Variants in ZNF467 observed in about 807,000 individuals in gnomAD.
The protein encoded by ZNF467 is zinc finger protein 467, also known as zinc finger protein EZI.
In ZNF467, 51 loss-of-function variants were observed where a neutral mutation model predicts 47.8. The ratio of observed to expected loss-of-function variants is 1.07; its 90% CI spans 0.85 to 1.35. The LOEUF (loss-of-function observed/expected upper bound fraction) is 1.35, where lower values mean the gene tolerates loss of function less well. ZNF467 is among the 40% of genes most tolerant of loss of function. The pLI is 0.00. For missense variants in ZNF467, 992 were observed against 858.1 expected, an observed-to-expected ratio of 1.16 and a Z score of -1.95; for synonymous variants, 416 against 372.9, an observed-to-expected ratio of 1.12 and a Z score of -1.33.
At chr7:149,771,098 T>C in intron 1 of ZNF467, 24 bp from the exon 2 acceptor site, 1 of 1,609,858 alleles carries the variant, frequency 6.2e-7, no homozygotes, top group Non-Finnish European at 8.5e-7. Context: ...ACAGCCTTGT[T>C]CAGATTTTTC....
chr7:149,768,414 A>G (rs991898038), intron 4 of ZNF467, among the ~76,000 whole-genome samples: 1 of 152,248 alleles, frequency 6.6e-6, no homozygotes, highest in Admixed American at 6.5e-5. Context: ...AAGGTGGCCT[A>G]TCCAAGGGCA....
At chr7:149,770,856 G>A (rs540242014) in intron 2 of ZNF467, 143 bp downstream of exon 2, 37 of 983,786 alleles carry the variant, frequency 3.8e-5, no homozygotes, top group South Asian at 2.6e-4. Context: ...CAGACACCCC[G>A]TGCTACAGAA....
In ZNF467 at chr7:149,765,673, A is replaced by G. The variant is rs778167061; in HGVS notation, c.829T>C (p.Cys277Arg). The G allele has an allele frequency of 1.2e-6, 2 of 1,613,204 alleles. No individual in the cohort carries two copies. ...TGERPFPCTE[C>R]EKRFRKKTHL... is the part of the protein sequence containing the mutation. ...GTCTTCTTGCGAAAGCGCTTCTCGC[A>G]TTCCGTGCAGGGGAAGGGCCGCTCG... Residue 277 changes from cysteine (C) to arginine (R), a missense_variant, in exon 5 of 5, where the codon TGC becomes CGC. Coordinates refer to ENST00000302017, the MANE Select transcript of ZNF467 (RefSeq NM_207336.3).
upstream of ZNF467, among the ~76,000 whole-genome samples, chr7:149,775,882 G>C (rs1292144796): frequency 6.6e-6 from 1 of 150,452 alleles, no homozygotes; most frequent in Non-Finnish European, 1.5e-5. Flanking sequence ...CATGAGACTG[G>C]AATAAAGCCC....
At chr7:149,770,618 C>A in intron 2 of ZNF467, 62 bp from the exon 3 acceptor site, 1 of 1,427,802 alleles carries the variant, frequency 7.0e-7, no homozygotes, top group Non-Finnish European at 9.7e-7. Context: ...TAATCAGAGG[C>A]GGGGGCTGTT....
intron 4 of ZNF467, among the ~76,000 whole-genome samples, chr7:149,766,553 C>T (rs1422588861): frequency 2.0e-5 from 3 of 152,196 alleles, no homozygotes; most frequent in Non-Finnish European, 4.4e-5. Context: ...AGGTTCACAT[C>T]CCTTTGGTGG....
rs575232022 is a variant in ZNF467, at chr7:149,765,637, G to A, written c.865C>T (p.Arg289Trp). ...TCGCCCGTATGGATGCGCTGGTGCC[G>A]AATCAAGTGCGTCTTCTTGCGAAAG... ...KRFRKKTHLI[R>W]HQRIHTGERP... The change falls in exon 5 of 5, where the codon CGG becomes TGG. Residue 289 changes from arginine to tryptophan, a missense_variant. Transcript: ENST00000302017. 6.2e-7 allele frequency: 1 copy of A among 1,609,236 alleles called. No homozygotes were observed. Among genetic ancestry groups the A allele is most frequent in the East Asian group, 2.2e-5 (1 of 44,646 alleles).
Position 149,769,010 on chromosome 7 carries a change from G to A in ZNF467, c.262+80C>T, listed in dbSNP as rs1463638009. On this transcript the variant is annotated intron_variant, in intron 4 of 4. Coordinates refer to ENST00000302017, the MANE Select transcript of ZNF467 (RefSeq NM_207336.3). The surrounding 1 kb of genome is among the most constrained non-coding windows in gnomAD (Gnocchi z 5.3). ...TGTCTTGGGGGATTACCTGCCTCAT[G>A]AGATAGCAGCTCCGGAGCTTGCTGG... The A allele has an allele frequency of 1.0e-5, 13 of 1,266,882 alleles. No individual in the cohort carries two copies. The highest frequency in any genetic ancestry group is 1.2e-5 in the Non-Finnish European group (11 of 932,066). 78.5% of individuals were successfully genotyped at this position (1,266,882 alleles called of 1,614,324 possible). A position where few individuals can be genotyped will look rare whatever the true frequency, so the allele number is the denominator to read the frequency against.
chr7:149,776,359 T>C (rs1278052667), upstream of ZNF467: 2 of 1,362,390 alleles, frequency 1.5e-6, no homozygotes, highest in Non-Finnish European at 2.0e-6. Flanking sequence ...GTGGTGTGAG[T>C]GGACAGAGAC....
chr7:149,764,647 C>G lies in ZNF467; in HGVS notation c.*67G>C. 2 of 1,555,694 alleles carry G rather than the reference C, an allele frequency of 1.3e-6. No homozygotes were observed. The highest frequency in any genetic ancestry group is 1.7e-6 in the Non-Finnish European group (2 of 1,149,394). Reference sequence around the variant, plus strand: ...AGCAGCCCAGGTCGCCTTGCTCACCCCAGGCGGTCTCATGGCACGGGCCTC... The same window carrying G: ...AGCAGCCCAGGTCGCCTTGCTCACCGCAGGCGGTCTCATGGCACGGGCCTC... On this transcript the variant is annotated 3_prime_UTR_variant, in exon 5 of 5. Coordinates refer to ENST00000302017, the MANE Select transcript of ZNF467 (RefSeq NM_207336.3).
intron 4 of ZNF467, among the ~76,000 whole-genome samples, chr7:149,767,162 C>T (rs549814267): frequency 6.6e-6 from 1 of 152,376 alleles, no homozygotes; most frequent in East Asian, 1.9e-4. Flanking sequence ...CACTTAACCT[C>T]TTTGAGTTAC....
Position 149,764,776 on chromosome 7 carries a change from C to G in ZNF467, c.1726G>C (p.Ala576Pro). 6.6e-7 allele frequency: 1 copy of G among 1,524,180 alleles called. No homozygotes were observed. Among genetic ancestry groups the G allele is most frequent in the South Asian group, 1.3e-5 (1 of 77,146 alleles). The allele number at this position is 1,524,180 out of a possible 1,614,324, so 94.4% of individuals were successfully genotyped here. ...GEAAHAAPDA[A>P]LAAPAWSAPP... ...GCGGACCAGGCTGGGGCCGCAAGGG[C>G]GGCGTCCGGGGCCGCGTGGGCGGCT... The change falls in exon 5 of 5, where the codon GCC (alanine) becomes CCC (proline). Residue 576 changes from alanine to proline, a missense_variant. Transcript: ENST00000302017.
rs1799071527 is a variant in ZNF467, at chr7:149,764,400, A to C, written c.*314T>G. 1.7e-6 allele frequency: 1 copy of C among 573,232 alleles called. No homozygotes were observed. The highest frequency in any genetic ancestry group is 3.1e-6 in the Non-Finnish European group (1 of 323,576). 35.5% of individuals were successfully genotyped at this position (573,232 alleles called of 1,614,324 possible). A position where few individuals can be genotyped will look rare whatever the true frequency, so the allele number is the denominator to read the frequency against. ...ACTTTAATGAAACTTTAAGTACATA[A>C]ATAACCACTCTTTCCTGCCCTGGTT... On this transcript the variant is annotated 3_prime_UTR_variant, in exon 5 of 5. Transcript: ENST00000302017.
Position 149,764,950 on chromosome 7 carries a change from C to T in ZNF467, c.1552G>A (p.Ala518Thr). The T allele has an allele frequency of 6.3e-7, 1 of 1,584,920 alleles. No individual in the cohort carries two copies. The change falls in exon 5 of 5, where the codon GCC (alanine) becomes ACC (threonine). Residue 518 changes from alanine to threonine, a missense_variant. Transcript: ENST00000302017. ...VHTGSRPHACAVCARSFSSKT... is the reference protein window; with the variant it reads ...VHTGSRPHACTVCARSFSSKT... ...GAGCTGAAGCTGCGGGCGCAGACGG[C>T]GCAGGCGTGGGGGCGGCTGCCAGTG...
rs908618916 is a variant in ZNF467, at chr7:149,765,253, C to T, written c.1249G>A (p.Asp417Asn). Residue 417 changes from aspartate (D) to asparagine (N), a missense_variant, in exon 5 of 5, where the codon GAT becomes AAT. Asp to Asn is a conservative substitution (Grantham distance 23, BLOSUM62 1). Transcript: ENST00000302017. ...PGGPGCGPGS[D>N]PVVPQRAPSG... ...GGGGCGCGCTGGGGCACCACGGGAT[C>T]GGATCCTGGGCCGCAGCCCGGTCCG... is the stretch of plus-strand genomic sequence containing the variant. The T allele has an allele frequency of 6.8e-7, 1 of 1,461,370 alleles. No homozygotes were observed. The highest frequency in any genetic ancestry group is 2.7e-5 in the Admixed American group (1 of 37,206). The allele number at this position is 1,461,370 out of a possible 1,614,324, so 90.5% of individuals were successfully genotyped here.
chr7:149,776,015 C>A (rs1310302395), upstream of ZNF467: 3 of 1,363,286 alleles, frequency 2.2e-6, no homozygotes, highest in Non-Finnish European at 2.9e-6. Context: ...TCACGTTCCC[C>A]AAAGGTGCCC....
At chr7:149,775,076 TC>T (rs1312974628), upstream of ZNF467, among the ~76,000 whole-genome samples, 2 of 151,978 alleles carry the variant, frequency 1.3e-5, no homozygotes, top group African/African-American at 4.8e-5. Flanking sequence ...TCACTGCCCC[TC>T]CCAGCCGGAT....
Position 149,765,262 on chromosome 7 carries a change from G to A in ZNF467, c.1240C>T (p.Pro414Ser), listed in dbSNP as rs778009478. 6.8e-7 allele frequency: 1 copy of A among 1,463,842 alleles called. No homozygotes were observed. Among genetic ancestry groups the A allele is most frequent in the South Asian group, 1.4e-5 (1 of 71,374 alleles). 90.7% of individuals were successfully genotyped at this position (1,463,842 alleles called of 1,614,324 possible). A position where few individuals can be genotyped will look rare whatever the true frequency, so the allele number is the denominator to read the frequency against. Reference sequence around the variant, plus strand: ...TGGGGCACCACGGGATCGGATCCTGGGCCGCAGCCCGGTCCGCCAGGCGCG... The same window carrying A: ...TGGGGCACCACGGGATCGGATCCTGAGCCGCAGCCCGGTCCGCCAGGCGCG... ...ASAPGGPGCGPGSDPVVPQRA... is the reference protein window; with the variant it reads ...ASAPGGPGCGSGSDPVVPQRA... Residue 414 changes from proline (P) to serine (S), a missense_variant, in exon 5 of 5, where the codon CCA (proline) becomes TCA (serine). Pro to Ser is a moderately conservative substitution (Grantham distance 74, BLOSUM62 -1). Transcript: ENST00000302017.
At chr7:149,775,641 C>T (rs1432403437), upstream of ZNF467, among the ~76,000 whole-genome samples, 1 of 151,086 alleles carries the variant, frequency 6.6e-6, no homozygotes, top group African/African-American at 2.4e-5. Context: ...AAATTGAGGC[C>T]CAGAAATGGA....
Sources: allele counts gnomAD v4.1 joint callset (sites outside exome capture counted in the v4.1 genomes callset), GRCh38; gene constraint gnomAD v4.1.1; non-coding constraint Gnocchi (gnomAD v3.1); transcripts MANE v1.5; gene names NCBI Gene and HGNC (gene_info 2026-07-23, HGNC 2026-07-21).